The following SRMS variants were observed in gnomAD, a reference collection of about 807,000 sequenced individuals.
SRMS encodes the protein tyrosine-protein kinase Srms.
A neutral mutation model predicts 43.5 loss-of-function variants in SRMS; 42 were observed. The ratio of observed to expected loss-of-function variants is 0.97; its 90% CI spans 0.75 to 1.25. The LOEUF (loss-of-function observed/expected upper bound fraction) is 1.25, where lower values mean the gene tolerates loss of function less well. SRMS is among the 50% of genes most tolerant of loss of function. The probability of loss-of-function intolerance (pLI) is 0.00; values close to 1 mark genes in which losing one functional copy is unlikely to be tolerated. For synonymous variants in SRMS, 316 were observed against 308.2 expected, an observed-to-expected ratio of 1.03 and a Z score of -0.27; for missense variants, 703 against 681.0, an observed-to-expected ratio of 1.03 and a Z score of -0.36.
rs1196334778 is a variant in SRMS at position 63,539,080 on chromosome 20, A to G, written c.*1738T>C. Among the ~76,000 whole-genome samples, 1 of 152,034 alleles carries G rather than the reference A, an allele frequency of 6.6e-6. No individual in the cohort carries two copies. Among genetic ancestry groups the G allele is most frequent in the African/African-American group, 2.4e-5 (1 of 41,408 alleles). The stretch of plus-strand genomic sequence containing the variant: ...GCTGCTGTGCTGGGGACCTGCCAGA[A>G]CTGGAAGCTCAGCTCAAGGCCTCAG... On this transcript the variant is annotated 3_prime_UTR_variant, in exon 8 of 8. Transcript: ENST00000217188.
Position 63,540,273 on chromosome 20 carries a change from A to G in SRMS, c.*545T>C, listed in dbSNP as rs908071532. ...CCACACATCCAGTGGGGTCAACACC[A>G]CGGTCTGCCTGGGAGTCAGCACTGG... On this transcript the variant is annotated 3_prime_UTR_variant, in exon 8 of 8. Transcript: ENST00000217188. Among the ~76,000 whole-genome samples, 2 of 152,178 alleles carry G rather than the reference A, an allele frequency of 1.3e-5. No homozygotes were observed. The highest frequency in any genetic ancestry group is 4.8e-5 in the African/African-American group (2 of 41,426).
intron 3 of SRMS, 109 bp downstream of exon 3, chr20:63,543,205 G>T: frequency 7.3e-7 from 1 of 1,369,612 alleles, no homozygotes; most frequent in Non-Finnish European, 1.0e-6. Context: ...GGGCCCTGGA[G>T]CTGCGCCTCT....
Position 63,547,489 on chromosome 20 carries a change from G to C in SRMS, c.-26C>G, listed in dbSNP as rs1205888724. 1.4e-6 allele frequency: 2 copies of C among 1,454,582 alleles called. No individual in the cohort carries two copies. Among genetic ancestry groups the C allele is most frequent in the Non-Finnish European group, 1.8e-6 (2 of 1,100,840 alleles). 90.1% of individuals were successfully genotyped at this position (1,454,582 alleles called of 1,614,324 possible). ...CCCCCGGGGTCACCACGCTGGGCCC[G>C]AGGGCCATGGGAGCCCGCGAGCCCG... On this transcript the variant is annotated 5_prime_UTR_variant, in exon 1 of 8. Transcript: ENST00000217188.
In SRMS at chr20:63,540,702, G is replaced by A. The variant is rs2082697977; in HGVS notation, c.*116C>T. 3.7e-6 allele frequency: 5 copies of A among 1,335,584 alleles called. No homozygotes were observed. Among genetic ancestry groups the A allele is most frequent in the Non-Finnish European group, 5.1e-6 (5 of 988,362 alleles). The allele number at this position is 1,335,584 out of a possible 1,614,324, so 82.7% of individuals were successfully genotyped here. A position where few individuals can be genotyped will look rare whatever the true frequency, so the allele number is the denominator to read the frequency against. On this transcript the variant is annotated 3_prime_UTR_variant, in exon 8 of 8. Coordinates refer to ENST00000217188, the MANE Select transcript of SRMS (RefSeq NM_080823.4). Reference sequence around the variant, plus strand: ...CGAACATGTGTGCACGCCAGGGCCTGAGGCCCACAGCCAGAGGCTCCTCGG... The same window carrying A: ...CGAACATGTGTGCACGCCAGGGCCTAAGGCCCACAGCCAGAGGCTCCTCGG...
rs754662788 is a variant in SRMS, at chr20:63,541,534, G to A, written c.1033C>T (p.Arg345Cys). ...GCGGCCAAGTCCCGGTGCACAACGC[G>A]CTGCTCCTCCAGGTAGCTCATGCCC... ...AEGMSYLEEQ[R>C]VVHRDLAARN... The change falls in exon 6 of 8, where the codon CGC (arginine) becomes TGC (cysteine). Residue 345 changes from arginine to cysteine, a missense_variant. Transcript: ENST00000217188. 1.3e-5 allele frequency: 20 copies of A among 1,597,022 alleles called. No individual in the cohort carries two copies. Among genetic ancestry groups the A allele is most frequent in the South Asian group, 5.6e-5 (5 of 89,658 alleles).
chr20:63,540,678 G>A lies in SRMS; in HGVS notation c.*140C>T, dbSNP rs143369839. 7.3e-4 allele frequency: 793 copies of A among 1,085,334 alleles called. 2 individuals carry two copies. In the African/African-American group the frequency reaches 0.011, roughly 15 times the overall value. The allele number at this position is 1,085,334 out of a possible 1,614,324, so 67.2% of individuals were successfully genotyped here. ...CCGTCTGCACGTCTGCCTGGTGCACGAACATGTGTGCACGCCAGGGCCTGA... is the reference window on the plus strand; with the variant it reads ...CCGTCTGCACGTCTGCCTGGTGCACAAACATGTGTGCACGCCAGGGCCTGA... On this transcript the variant is annotated 3_prime_UTR_variant, in exon 8 of 8. Coordinates refer to ENST00000217188, the MANE Select transcript of SRMS (RefSeq NM_080823.4).
chr20:63,546,437 A>T (rs2082731226), intron 1 of SRMS, among the ~76,000 whole-genome samples: 1 of 150,686 alleles, frequency 6.6e-6, no homozygotes, highest in Non-Finnish European at 1.5e-5. Context: ...GAGCAGCCGC[A>T]CTGGGCATCT....
In SRMS at chr20:63,547,169, C is replaced by G. The variant is rs752078102; in HGVS notation, c.295G>C (p.Ala99Pro). Residue 99 changes from alanine to proline, a missense_variant, in exon 1 of 8, where the codon GCC becomes CCC. Coordinates refer to ENST00000217188, the MANE Select transcript of SRMS (RefSeq NM_080823.4). ...FARRLSGQPS[A>P]GLVPITHVAK... Reference sequence around the variant, plus strand: ...ACGTGGGTGATGGGCACGAGCCCGGCGCTGGGCTGGCCCGAAAGCCTGCGT... The same window carrying G: ...ACGTGGGTGATGGGCACGAGCCCGGGGCTGGGCTGGCCCGAAAGCCTGCGT... 6.2e-7 allele frequency: 1 copy of G among 1,611,140 alleles called. No homozygotes were observed. The highest frequency in any genetic ancestry group is 2.2e-5 in the East Asian group (1 of 44,814).
Position 63,540,748 on chromosome 20 carries a change from T to A in SRMS, c.*70A>T. 6.7e-7 allele frequency: 1 copy of A among 1,502,094 alleles called. No homozygotes were observed. The highest frequency in any genetic ancestry group is 8.9e-7 in the Non-Finnish European group (1 of 1,127,536). 93.0% of individuals were successfully genotyped at this position (1,502,094 alleles called of 1,614,324 possible). On this transcript the variant is annotated 3_prime_UTR_variant, in exon 8 of 8. Coordinates refer to ENST00000217188, the MANE Select transcript of SRMS (RefSeq NM_080823.4). ...CTCGGTCCGGCAGACCGGCATCCCT[T>A]CGAGTTGGCGCTCTGCAGGGAGGAG...
intron 3 of SRMS, 110 bp from the exon 4 acceptor site, chr20:63,542,691 C>T (rs2082711693): frequency 7.5e-7 from 1 of 1,329,598 alleles, no homozygotes; most frequent in Non-Finnish European, 1.0e-6. Flanking sequence ...CCAGCACACA[C>T]TCACCCCACC....
rs116609350 is a variant in SRMS, at chr20:63,545,487, T to G, written c.357-1139A>C. Among the ~76,000 whole-genome samples the G allele has an allele frequency of 4.9e-3, 753 of 152,214 alleles. 4 individuals are homozygous for G. Among genetic ancestry groups the G allele is most frequent in the African/African-American group, 0.016 (653 of 41,508 alleles). ...AGCGGGACTAGGAGAGGACCCGAGGTGGGCCTCAGAGTCAACACAAGATTC... is the reference window on the plus strand; with the variant it reads ...AGCGGGACTAGGAGAGGACCCGAGGGGGGCCTCAGAGTCAACACAAGATTC... On this transcript the variant is annotated intron_variant, in intron 1 of 7. Coordinates refer to ENST00000217188, the MANE Select transcript of SRMS (RefSeq NM_080823.4).
In SRMS at chr20:63,544,241, C is replaced by A. The variant is rs1486074845; in HGVS notation, c.464G>T (p.Gly155Val). Residue 155 changes from glycine (G) to valine (V), a missense_variant, in exon 2 of 8, where the codon GGC becomes GTC. Coordinates refer to ENST00000217188, the MANE Select transcript of SRMS (RefSeq NM_080823.4). ...GCCCCAGGTACCTGACAGTGAGTAG[C>A]CCCCGAGGCTGCTCTCGCTGGGCCG... ...LIRPSESSLG[G>V]YSLSVRAQAK... The A allele has an allele frequency of 6.8e-7, 1 of 1,461,672 alleles. No individual in the cohort carries two copies. Among genetic ancestry groups the A allele is most frequent in the East Asian group, 2.9e-5 (1 of 34,220 alleles). The allele number at this position is 1,461,672 out of a possible 1,614,324, so 90.5% of individuals were successfully genotyped here. A position where few individuals can be genotyped will look rare whatever the true frequency, so the allele number is the denominator to read the frequency against.
At chr20:63,543,263 A>G in intron 3 of SRMS, 51 bp downstream of exon 3, 1 of 1,596,284 alleles carries the variant, frequency 6.3e-7, no homozygotes. Flanking sequence ...CACCTAGAAC[A>G]GGGCCATGCC....
chr20:63,540,986 G>A lies in SRMS; in HGVS notation c.1299C>T (p.His433=), dbSNP rs56263232. The A allele has an allele frequency of 9.7e-5, 156 of 1,608,950 alleles. No homozygotes were observed. In the East Asian group the frequency reaches 1.9e-3, roughly 20 times the overall value. ...GQCPYEGMTN[H]ETLQQIMRGY... Reference sequence around the variant, plus strand: ...CTCGCATGATCTGCTGCAGCGTCTCGTGGTTGGTCATCCCTGGGAGGCGCG... The same window carrying A: ...CTCGCATGATCTGCTGCAGCGTCTCATGGTTGGTCATCCCTGGGAGGCGCG... The change falls in exon 8 of 8, where the codon CAC becomes CAT. Residue 433 remains histidine, a synonymous_variant. Coordinates refer to ENST00000217188, the MANE Select transcript of SRMS (RefSeq NM_080823.4).
At chr20:63,544,528 C>T (rs912761284) in intron 1 of SRMS, among the ~76,000 whole-genome samples, 180 bp from the exon 2 acceptor site, 1 of 152,226 alleles carries the variant, frequency 6.6e-6, no homozygotes, top group Non-Finnish European at 1.5e-5. Flanking sequence ...CAGTGCCGGC[C>T]TCATCCTCCT....
chr20:63,542,615 G>A (rs376448387), intron 3 of SRMS, 34 bp from the exon 4 acceptor site: 27 of 1,579,382 alleles, frequency 1.7e-5, no homozygotes, highest in East Asian at 4.5e-5. Flanking sequence ...GCTGGTCAGC[G>A]TGGGCCCCTG....
Position 63,542,140 on chromosome 20 carries a change from G to C in SRMS, c.946+23C>G, listed in dbSNP as rs200541741. ...GCGGTCGCAGGCGCGTCAGGGCCAC[G>C]TGGCAGCAGGGAGGGGACTCACTGC... On this transcript the variant is annotated intron_variant, in intron 5 of 7. Coordinates refer to ENST00000217188, the MANE Select transcript of SRMS (RefSeq NM_080823.4). The C allele has an allele frequency of 1.9e-6, 3 of 1,595,546 alleles. No homozygotes were observed. The South Asian group carries it at 3.3e-5, about 18-fold the overall frequency.
chr20:63,543,527 C>A, intron 2 of SRMS, 47 bp from the exon 3 acceptor site: 2 of 1,591,150 alleles, frequency 1.3e-6, no homozygotes, highest in Non-Finnish European at 1.7e-6. Flanking sequence ...CTGCCAGCTG[C>A]CCCGACCCTC....
chr20:63,542,121 G>T, intron 5 of SRMS, 42 bp downstream of exon 5: 1 of 1,578,566 alleles, frequency 6.3e-7, no homozygotes, highest in Non-Finnish European at 8.6e-7. Context: ...AGGGGCGGTC[G>T]CAGGCGCGTC....
Sources: gnomAD v4.1 joint callset for allele counts (sites outside exome capture counted in the v4.1 genomes callset) on GRCh38, gnomAD v4.1.1 for gene constraint, MANE v1.5 for transcripts, NCBI Gene and HGNC (gene_info 2026-07-23, HGNC 2026-07-21) for gene names.